Variants in RALYL observed in about 807,000 individuals in gnomAD.
RALYL encodes RALY RNA binding protein like.
A neutral mutation model predicts 35.1 loss-of-function variants in RALYL; 29 were observed. The observed-to-expected ratio is 0.83, with a 90% CI of 0.61 to 1.13. RALYL has a LOEUF of 1.13. RALYL is among the 50% of genes most tolerant of loss of function. The pLI, the probability that RALYL is intolerant of heterozygous loss-of-function variation, is 0.00. For synonymous variants in RALYL, 120 were observed against 127.6 expected, an observed-to-expected ratio of 0.94 and a Z score of 0.40; for missense variants, 359 against 360.4, an observed-to-expected ratio of 1.00 and a Z score of 0.03.
Position 84,185,018 on chromosome 8 carries a change from G to A in RALYL, c.-24+594G>A, listed in dbSNP as rs1056597044. 4.3e-6 allele frequency: 7 copies of A among 1,613,872 alleles called. 1 individual carries two copies. The African/African-American group carries it at 9.3e-5, about 22-fold the overall frequency. ...TTCGCAATGAGTAAACGACGCAGTA[G>A]GTCCTACCCAGCCTATTTTGCTTTA... is the stretch of plus-strand genomic sequence containing the variant. On this transcript the variant is annotated intron_variant, in intron 1 of 8. Coordinates refer to ENST00000521268, the MANE Select transcript of RALYL (RefSeq NM_173848.7).
At chr8:84,439,676 C>T (rs768464477) in intron 1 of RALYL, among the ~76,000 whole-genome samples, 10 of 151,702 alleles carry the variant, frequency 6.6e-5, no homozygotes, top group Non-Finnish European at 1.2e-4. Flanking sequence ...TTTTCTTTTG[C>T]TCATCATTTC....
chr8:84,666,277 G>A (rs1388070443), intron 2 of RALYL, among the ~76,000 whole-genome samples: 2 of 152,136 alleles, frequency 1.3e-5, no homozygotes, highest in Admixed American at 1.3e-4. Flanking sequence ...TGAGACCATA[G>A]TGAAGATGCT....
At chr8:84,250,546 ATT>A (rs1218255094) in intron 1 of RALYL, among the ~76,000 whole-genome samples, 1 of 151,932 alleles carries the variant, frequency 6.6e-6, no homozygotes, top group African/African-American at 2.4e-5. Flanking sequence ...CATTTTTGAT[ATT>A]GTTATGGACA....
At chr8:84,501,266 G>A (rs1587816905) in intron 1 of RALYL, among the ~76,000 whole-genome samples, 1 of 152,212 alleles carries the variant, frequency 6.6e-6, no homozygotes, top group East Asian at 1.9e-4. Context: ...TCCGAAGTTA[G>A]ATAACATTTA....
rs952881532 is a variant in RALYL at position 84,454,697 on chromosome 8, G to C, written c.-23-74602G>C. Among the ~76,000 whole-genome samples, 15 of 152,058 alleles carry C rather than the reference G, an allele frequency of 9.9e-5. No individual in the cohort carries two copies. In the South Asian group the frequency reaches 3.1e-3, roughly 32 times the overall value. On this transcript the variant is annotated intron_variant, in intron 1 of 8. Coordinates refer to ENST00000521268, the MANE Select transcript of RALYL (RefSeq NM_173848.7). The stretch of plus-strand genomic sequence containing the variant: ...ACATTTCATACATCTACTCTTTCAG[G>C]AAGCTCTCTTTTAACATTCAATGTT...
rs138499996 is a variant in RALYL at position 84,557,378 on chromosome 8, C to G, written c.256+27801C>G. The stretch of plus-strand genomic sequence containing the variant: ...ACTGGACAGGCCTGGGATGGACCCA[C>G]AGCAATCAGCAGTTACTGGGTGGAA... On this transcript the variant is annotated intron_variant, in intron 2 of 8. Coordinates refer to ENST00000521268, the MANE Select transcript of RALYL (RefSeq NM_173848.7). Among the ~76,000 whole-genome samples, 1,342 of 152,262 alleles carry G rather than the reference C, an allele frequency of 8.8e-3. 19 individuals carry two copies. Among genetic ancestry groups the G allele is most frequent in the Middle Eastern group, 0.027 (8 of 294 alleles).
At chr8:84,365,750 C>A (rs571944379) in intron 1 of RALYL, among the ~76,000 whole-genome samples, 1 of 152,110 alleles carries the variant, frequency 6.6e-6, no homozygotes, top group Non-Finnish European at 1.5e-5. Flanking sequence ...ATGGGTTTTA[C>A]TCAGAAAATG....
chr8:84,259,976 G>T (rs753229288), intron 1 of RALYL, among the ~76,000 whole-genome samples: 2 of 152,098 alleles, frequency 1.3e-5, no homozygotes, highest in Non-Finnish European at 1.5e-5. Context: ...AAAGGCTAAA[G>T]ATACAGAAGA....
intron 1 of RALYL, among the ~76,000 whole-genome samples, chr8:84,219,595 C>CTG (rs993836848): frequency 4.6e-5 from 7 of 150,968 alleles, no homozygotes; most frequent in Middle Eastern, 6.8e-3. Flanking sequence ...TAAGACATGT[C>CTG]TGTGTGTGTG....
intron 2 of RALYL, among the ~76,000 whole-genome samples, chr8:84,693,998 C>A (rs1049742426): frequency 1.3e-5 from 2 of 151,708 alleles, no homozygotes; most frequent in African/African-American, 4.8e-5. Flanking sequence ...ATCTGAGGAA[C>A]CCACAGCTAA....
chr8:84,196,752 C>A lies in RALYL; in HGVS notation c.-24+12328C>A, dbSNP rs1055621079. Reference sequence around the variant, plus strand: ...TTATCCAAGATAGATTTTTTAAATACTCTCTGATCATTTCAATTTCAGCTT... The same window carrying A: ...TTATCCAAGATAGATTTTTTAAATAATCTCTGATCATTTCAATTTCAGCTT... On this transcript the variant is annotated intron_variant, in intron 1 of 8. Coordinates refer to ENST00000521268, the MANE Select transcript of RALYL (RefSeq NM_173848.7). Among the ~76,000 whole-genome samples, 4 of 152,286 alleles carry A rather than the reference C, an allele frequency of 2.6e-5. No homozygotes were observed. The South Asian group carries it at 8.3e-4, about 32-fold the overall frequency.
At chr8:84,355,983 T>G (rs1386119876) in intron 1 of RALYL, among the ~76,000 whole-genome samples, 1 of 150,014 alleles carries the variant, frequency 6.7e-6, no homozygotes, top group African/African-American at 2.5e-5. Flanking sequence ...CCTGCTGTTC[T>G]CATGATAGTG....
At chr8:84,333,860 G>C (rs1213289735) in intron 1 of RALYL, among the ~76,000 whole-genome samples, 1 of 152,004 alleles carries the variant, frequency 6.6e-6, no homozygotes, top group Non-Finnish European at 1.5e-5. Context: ...AGGGGTGGGG[G>C]CAGCTTGAAA....
intron 1 of RALYL, among the ~76,000 whole-genome samples, chr8:84,337,329 GTT>G (rs769935600): frequency 1.8e-3 from 253 of 142,390 alleles, no homozygotes; most frequent in African/African-American, 6.2e-3. Context: ...GGAATGAATT[GTT>G]TTTTTTTTTT....
chr8:84,185,290 T>A, intron 1 of RALYL: 1 of 503,208 alleles, frequency 2.0e-6, no homozygotes, highest in Non-Finnish European at 3.6e-6. Context: ...TTTTCCCTCT[T>A]TTTAACCACC....
At chr8:84,336,226 A>G (rs949325940) in intron 1 of RALYL, among the ~76,000 whole-genome samples, 31 of 152,090 alleles carry the variant, frequency 2.0e-4, no homozygotes, top group African/African-American at 7.2e-4. Flanking sequence ...TGGACACTGA[A>G]TTGATTGTTT....
intron 2 of RALYL, among the ~76,000 whole-genome samples, chr8:84,736,791 A>G (rs540123293): frequency 2.0e-5 from 3 of 152,130 alleles, no homozygotes; most frequent in African/African-American, 7.2e-5. Flanking sequence ...AGAGGTCTTT[A>G]CCTGAAGTTT....
intron 2 of RALYL, among the ~76,000 whole-genome samples, chr8:84,607,858 A>C (rs1817490666): frequency 6.6e-6 from 1 of 152,140 alleles, no homozygotes; most frequent in Non-Finnish European, 1.5e-5. Flanking sequence ...GTTGATAAAA[A>C]TACAATAAAA....
intron 2 of RALYL, among the ~76,000 whole-genome samples, chr8:84,674,386 C>T (rs538118504): frequency 6.6e-6 from 1 of 152,152 alleles, no homozygotes; most frequent in African/African-American, 2.4e-5. Context: ...GCCTGATTGC[C>T]CTGGCCAGAA....
Sources: allele counts gnomAD v4.1 joint callset (sites outside exome capture counted in the v4.1 genomes callset), GRCh38; gene constraint gnomAD v4.1.1; transcripts MANE v1.5; gene names NCBI Gene and HGNC (gene_info 2026-07-23, HGNC 2026-07-21).